RBFOX1: variants seen among roughly 807,000 people sequenced by gnomAD.
RBFOX1 encodes RNA binding fox-1 homolog 1, also known as RNA binding protein fox-1 homolog 1.
RBFOX1 carries 8 observed loss-of-function variants against 57.7 expected under a neutral mutation model. The ratio of observed to expected loss-of-function variants is 0.14; its 90% confidence interval spans 0.08 to 0.25. The LOEUF (loss-of-function observed/expected upper bound fraction) is 0.25. Among genes scored for constraint, RBFOX1 ranks in the 10% least tolerant of loss-of-function variants. RBFOX1 has a pLI of 1.00. For missense variants in RBFOX1, 611 were observed against 548.5 expected (o/e 1.11, Z -1.14); for synonymous variants, 326 against 222.4 (o/e 1.47, Z -4.15).
intron 2 of RBFOX1, among the ~76,000 whole-genome samples, chr16:6,512,884 G>A (rs563640983): frequency 6.6e-6 from 1 of 152,058 alleles, no homozygotes; most frequent in East Asian, 1.9e-4. Context: ...TTATTTTGAA[G>A]GTTTTTAACT....
chr16:7,187,501 A>G (rs1316776546), intron 4 of RBFOX1, among the ~76,000 whole-genome samples: 2 of 151,452 alleles, frequency 1.3e-5, no homozygotes, highest in African/African-American at 2.4e-5. Flanking sequence ...CATCCTGGCT[A>G]ACACAGTGAA....
intron 4 of RBFOX1, among the ~76,000 whole-genome samples, chr16:7,115,701 T>G (rs2065757502): frequency 6.6e-6 from 1 of 152,184 alleles, no homozygotes. Context: ...GAGAATCCAG[T>G]CGCTTTTATT....
Position 6,906,724 on chromosome 16 carries a change from ATT to A in RBFOX1, c.-15-145318_-15-145317del, listed in dbSNP as rs200335697. Among the ~76,000 whole-genome samples the A allele has an allele frequency of 3.3e-3, 466 of 141,912 alleles. 3 individuals are homozygous for A. The highest frequency in any genetic ancestry group is 0.011 in the African/African-American group (417 of 38,338). The allele number at this position is 141,912 out of a possible 152,430, so 93.1% of individuals were successfully genotyped here. A position where few individuals can be genotyped will look rare whatever the true frequency, so the allele number is the denominator to read the frequency against. ...GTGCTCCATAAATATTTGCAGAACTATTTTTTTTTTTTTTTTGAGACAGAGTC... is the reference window on the plus strand; with the variant it reads ...GTGCTCCATAAATATTTGCAGAACTATTTTTTTTTTTTTTGAGACAGAGTC... On this transcript the variant is annotated intron_variant, in intron 3 of 15. Transcript: ENST00000550418.
intron 4 of RBFOX1, among the ~76,000 whole-genome samples, chr16:7,105,863 C>G (rs1420420926): frequency 6.6e-6 from 1 of 152,070 alleles, no homozygotes; most frequent in Non-Finnish European, 1.5e-5. Flanking sequence ...GAGGAACCAT[C>G]TGATCTGAGA....
At chr16:6,831,783 G>T (rs2092725987) in intron 3 of RBFOX1, among the ~76,000 whole-genome samples, 1 of 152,170 alleles carries the variant, frequency 6.6e-6, no homozygotes. Context: ...TCTTTGGGAA[G>T]GAGGGACAGT....
chr16:5,576,605 C>G (rs1451033071), intron 2 of RBFOX1, among the ~76,000 whole-genome samples: 3 of 152,204 alleles, frequency 2.0e-5, no homozygotes, highest in Admixed American at 6.5e-5. Flanking sequence ...TTAACGGGAA[C>G]TAGGAGAAGT....
At chr16:6,988,744 T>TTC (rs374299137) in intron 3 of RBFOX1, among the ~76,000 whole-genome samples, 1 of 23,638 alleles carries the variant, frequency 4.2e-5, no homozygotes, top group African/African-American at 1.4e-4. Context: ...TTTTTTTTTG[T>TTC]TTGTTTGTTT....
chr16:7,328,627 A>ATTTTT (rs199909883), intron 4 of RBFOX1: 2 of 142,418 alleles, frequency 1.4e-5, no homozygotes, highest in Non-Finnish European at 1.5e-5. Flanking sequence ...AGATGGAAGA[A>ATTTTT]TTTTTTTTTT....
intron 3 of RBFOX1, among the ~76,000 whole-genome samples, chr16:5,863,107 G>A (rs531324877): frequency 2.0e-5 from 3 of 152,226 alleles, no homozygotes; most frequent in Admixed American, 6.5e-5. Flanking sequence ...GTGGCCTTGG[G>A]CAAGGCTCTT....
At chr16:7,140,159 T>TCTCC (rs1555505180) in intron 4 of RBFOX1, among the ~76,000 whole-genome samples, 45 of 85,924 alleles carry the variant, frequency 5.2e-4, no homozygotes, top group Admixed American at 1.6e-3. Context: ...CTTCTCTCCC[T>TCTCC]CTCTCTCTCT....
intron 4 of RBFOX1, among the ~76,000 whole-genome samples, chr16:7,448,927 G>GTTTTTTTTTTTTTTTTTTTTTTT (rs71147700): frequency 1.2e-5 from 1 of 82,964 alleles, no homozygotes; most frequent in African/African-American, 4.6e-5. Context: ...TCTTTCCCCT[G>GTTTTTTTTTTTTTTTTTTTTTTT]TTTTTTTTTT....
chr16:7,300,683 G>C (rs1172836671), intron 4 of RBFOX1, among the ~76,000 whole-genome samples: 1 of 151,924 alleles, frequency 6.6e-6, no homozygotes, highest in Non-Finnish European at 1.5e-5. Context: ...TTATGAAAAT[G>C]AGAAAAGAAA....
Position 5,662,081 on chromosome 16 carries a change from C to T in RBFOX1, c.318+63120C>T, listed in dbSNP as rs114230255. 5.7e-3 allele frequency among the ~76,000 whole-genome samples: 872 copies of T among 152,168 alleles called. 10 individuals are homozygous for T. Among genetic ancestry groups the T allele is most frequent in the African/African-American group, 0.02 (829 of 41,548 alleles). On this transcript the variant is annotated intron_variant, in intron 3 of 19. Coordinates refer to the RBFOX1 transcript ENST00000641259. ...GATTACAGGCATGAGCTACCGCGCC[C>T]GGCCAAAACTTAGACATCTTGTTAA...
At chr16:7,201,561 C>T (rs1397174291) in intron 4 of RBFOX1, among the ~76,000 whole-genome samples, 1 of 151,632 alleles carries the variant, frequency 6.6e-6, no homozygotes, top group African/African-American at 2.4e-5. Context: ...CCACTGGGTT[C>T]AAACGATTTT....
At chr16:6,030,239 A>C (rs1350027301) in intron 1 of RBFOX1, among the ~76,000 whole-genome samples, 1 of 152,022 alleles carries the variant, frequency 6.6e-6, no homozygotes, top group Non-Finnish European at 1.5e-5. Flanking sequence ...ATTTTTGAGG[A>C]CTCTGTTGGC....
chr16:7,296,259 CTTT>C lies in RBFOX1; in HGVS notation c.28-221873_28-221871del, dbSNP rs33997825. Reference sequence around the variant, plus strand: ...TCCTTTATTTTCAGATTATGTCCTCCTTTTTTTTTTTTTTTTTGCATTTTCGTG... The same window carrying C: ...TCCTTTATTTTCAGATTATGTCCTCCTTTTTTTTTTTTTTGCATTTTCGTG... On this transcript the variant is annotated intron_variant, in intron 4 of 15. Transcript: ENST00000550418. 2.0e-3 allele frequency among the ~76,000 whole-genome samples: 242 copies of C among 119,744 alleles called. 1 individual carries two copies. The highest frequency in any genetic ancestry group is 5.9e-3 in the African/African-American group (190 of 32,254). 78.6% of individuals were successfully genotyped at this position (119,744 alleles called of 152,430 possible).
intron 3 of RBFOX1, among the ~76,000 whole-genome samples, chr16:6,898,074 T>G (rs1596509941): frequency 6.6e-6 from 1 of 152,342 alleles, no homozygotes; most frequent in East Asian, 1.9e-4. Context: ...TACTTGGCAG[T>G]TATTTCAAAG....
chr16:6,761,019 C>T (rs572692725), intron 3 of RBFOX1, among the ~76,000 whole-genome samples: 109 of 152,256 alleles, frequency 7.2e-4, no homozygotes, highest in Non-Finnish European at 1.3e-3. Context: ...TAAGAAAATA[C>T]CAAACAGAAC....
chr16:6,229,352 G>A (rs767331027), intron 1 of RBFOX1, among the ~76,000 whole-genome samples: 8 of 152,168 alleles, frequency 5.3e-5, no homozygotes, highest in Non-Finnish European at 1.0e-4. Context: ...GCAGAAACTA[G>A]ATCTCTCCTG....
Sources: gnomAD v4.1 joint callset for allele counts (sites outside exome capture counted in the v4.1 genomes callset) on GRCh38, gnomAD v4.1.1 for gene constraint, MANE v1.5 for transcripts, NCBI Gene and HGNC (gene_info 2026-07-23, HGNC 2026-07-21) for gene names.